The following U2SURP variants were observed in gnomAD, a reference collection of about 807,000 sequenced individuals.
U2SURP encodes the protein U2 snRNP-associated SURP motif-containing protein.
U2SURP carries 9 observed loss-of-function variants against 144.9 expected under a neutral mutation model. The observed-to-expected ratio is 0.06, with a 90% CI of 0.04 to 0.11. The LOEUF (loss-of-function observed/expected upper bound fraction) is 0.11. Ranked by LOEUF, U2SURP falls within the 10% of genes least tolerant of loss-of-function variation. The pLI is 1.00. For synonymous variants in U2SURP, 408 were observed against 396.8 expected (o/e 1.03, Z -0.33); for missense variants, 724 against 1,226.7 (o/e 0.59, Z 6.12).
chr3:143,012,676 C>A (rs979204379), intron 3 of U2SURP, among the ~76,000 whole-genome samples: 3 of 152,162 alleles, frequency 2.0e-5, no homozygotes, highest in Non-Finnish European at 2.9e-5. Context: ...ATACCAGTTA[C>A]TGGAAATGCA....
At chr3:143,040,511 A>G (rs1934047513) in intron 23 of U2SURP, among the ~76,000 whole-genome samples, 1 of 151,842 alleles carries the variant, frequency 6.6e-6, no homozygotes, top group African/African-American at 2.4e-5. Context: ...GTAACTAGTA[A>G]TTATTATATT....
chr3:143,040,223 A>G (rs929651851), intron 23 of U2SURP, among the ~76,000 whole-genome samples: 2 of 151,888 alleles, frequency 1.3e-5, no homozygotes, highest in Non-Finnish European at 3.0e-5. Context: ...TTTTGGCATA[A>G]AACTGATATT....
chr3:143,009,726 T>A (rs1359479661), intron 1 of U2SURP, among the ~76,000 whole-genome samples: 1 of 152,218 alleles, frequency 6.6e-6, no homozygotes, highest in Non-Finnish European at 1.5e-5. Context: ...GTAAATTGAT[T>A]CAGTGTAAAA....
chr3:143,008,645 G>T (rs1387978402), intron 1 of U2SURP, among the ~76,000 whole-genome samples: 1 of 152,148 alleles, frequency 6.6e-6, no homozygotes, highest in East Asian at 1.9e-4. Context: ...CTTCACAAGG[G>T]TTATATACAT....
At chr3:143,032,666 C>T (rs914434601) in intron 16 of U2SURP, 118 bp from the exon 17 acceptor site, 45 of 868,950 alleles carry the variant, frequency 5.2e-5, no homozygotes, top group Non-Finnish European at 7.8e-5. Context: ...GAATGTATTA[C>T]AGTCTTCAGA....
At position 143,020,636 on chromosome 3, in the gene U2SURP, G is replaced by T. The variant is rs756648523; in HGVS notation, c.676G>T (p.Gly226Cys). Residue 226 changes from glycine to cysteine, a missense_variant, in exon 8 of 28, where the codon GGC becomes TGC. Coordinates refer to ENST00000473835, the MANE Select transcript of U2SURP (RefSeq NM_001080415.2). ...ACGTGATGAGAGACATAAAACAAAA[G>T]GCAGATTAAGTCGATTTGAACCTCC... ...EERDERHKTK[G>C]RLSRFEPPQS... 6.2e-7 allele frequency: 1 copy of T among 1,613,050 alleles called. No individual in the cohort carries two copies. Among genetic ancestry groups the T allele is most frequent in the South Asian group, 1.1e-5 (1 of 90,744 alleles).
rs911017505 is a variant in U2SURP at position 143,012,371 on chromosome 3, A to G, written c.222+18A>G. On this transcript the variant is annotated intron_variant, in intron 3 of 27. Coordinates refer to ENST00000473835, the MANE Select transcript of U2SURP (RefSeq NM_001080415.2). ...TCTCAAGAGTGAGTATAGATAAGATAAGGTAAAGATAAGAAAGGATAGTTA... is the reference window on the plus strand; with the variant it reads ...TCTCAAGAGTGAGTATAGATAAGATGAGGTAAAGATAAGAAAGGATAGTTA... The G allele has an allele frequency of 6.9e-6, 11 of 1,589,916 alleles. No homozygotes were observed. The African/African-American group carries it at 1.5e-4, about 22-fold the overall frequency.
At chr3:143,040,273 T>C (rs1934036559) in intron 23 of U2SURP, among the ~76,000 whole-genome samples, 1 of 151,930 alleles carries the variant, frequency 6.6e-6, no homozygotes, top group African/African-American at 2.4e-5. Context: ...TTAGCATTGA[T>C]GTTGGAATAC....
intron 5 of U2SURP, 134 bp from the exon 6 acceptor site, chr3:143,016,708 T>A: frequency 1.2e-6 from 1 of 804,552 alleles, no homozygotes; most frequent in Non-Finnish European, 1.8e-6. Flanking sequence ...GATATTTGAA[T>A]TTAATTTCAT....
chr3:143,034,495 A>G (rs1176296960), intron 18 of U2SURP: 1 of 153,498 alleles, frequency 6.5e-6, no homozygotes, highest in African/African-American at 2.4e-5. Flanking sequence ...TTTCCCTAGG[A>G]TGTTGCTCTG....
intron 3 of U2SURP, 152 bp downstream of exon 3, chr3:143,012,505 G>A: frequency 1.5e-6 from 1 of 657,310 alleles, no homozygotes; most frequent in Non-Finnish European, 2.2e-6. Flanking sequence ...TGGGATAACA[G>A]TAAACTCATT....
In U2SURP at chr3:143,021,378, A is replaced by G. The variant is rs1364595688; in HGVS notation, c.762A>G (p.Ser254=). 2 of 1,603,212 alleles carry G rather than the reference A, an allele frequency of 1.2e-6. No individual in the cohort carries two copies. The highest frequency in any genetic ancestry group is 1.7e-5 in the Admixed American group (1 of 58,566). Residue 254 remains serine, a synonymous_variant, in exon 9 of 28, where the codon TCA becomes TCG. Coordinates refer to ENST00000473835, the MANE Select transcript of U2SURP (RefSeq NM_001080415.2). ...ACGCGCCTTCAAGAAGAAATAGATC[A>G]TCTGGTGGTAATACAGTTTTTTGCT... The part of the protein sequence containing the change: ...SMDAPSRRNR[S]SGVLDDYAPG...
chr3:143,016,793 A>C (rs1936390543), intron 5 of U2SURP, 49 bp from the exon 6 acceptor site: 1 of 1,448,108 alleles, frequency 6.9e-7, no homozygotes, highest in African/African-American at 1.5e-5. Context: ...AAAACAGTAA[A>C]GAAAAATATT....
At chr3:143,018,186 C>T (rs910064960) in intron 6 of U2SURP, among the ~76,000 whole-genome samples, 2 of 152,184 alleles carry the variant, frequency 1.3e-5, no homozygotes, top group Non-Finnish European at 2.9e-5. Context: ...TACCCATTAT[C>T]AGTCACTCCC....
intron 4 of U2SURP, among the ~76,000 whole-genome samples, chr3:143,015,185 G>A (rs1302345277): frequency 6.6e-6 from 1 of 152,040 alleles, no homozygotes; most frequent in Non-Finnish European, 1.5e-5. Context: ...TCTCAGTGTA[G>A]TTTTACATTT....
intron 24 of U2SURP, among the ~76,000 whole-genome samples, chr3:143,046,297 ATTTT>A (rs11400849): frequency 8.5e-5 from 9 of 106,428 alleles, no homozygotes; most frequent in African/African-American, 1.7e-4. Context: ...TTTATTTTTT[ATTTT>A]TTTTTATTTT....
At chr3:143,008,782 GT>G (rs1935972284) in intron 1 of U2SURP, among the ~76,000 whole-genome samples, 3 of 152,216 alleles carry the variant, frequency 2.0e-5, no homozygotes, top group Admixed American at 1.3e-4. Context: ...ACTATTGTTT[GT>G]TTTTGATATG....
intron 11 of U2SURP, 55 bp downstream of exon 11, chr3:143,022,717 A>G: frequency 2.6e-6 from 4 of 1,529,888 alleles, no homozygotes; most frequent in Non-Finnish European, 3.5e-6. Context: ...TTGGTTTGGA[A>G]AAGTATTTAT....
At chr3:143,013,431 C>A (rs891309438) in intron 3 of U2SURP, among the ~76,000 whole-genome samples, 11 of 152,034 alleles carry the variant, frequency 7.2e-5, no homozygotes, top group Admixed American at 6.5e-4. Context: ...AGCAATGTTA[C>A]TCTTCTATTC....
Sources: gnomAD v4.1 joint callset for allele counts (sites outside exome capture counted in the v4.1 genomes callset) on GRCh38, gnomAD v4.1.1 for gene constraint, MANE v1.5 for transcripts, NCBI Gene and HGNC (gene_info 2026-07-23, HGNC 2026-07-21) for gene names.